The following ADGRL2 variants were observed in gnomAD, a reference collection of about 807,000 sequenced individuals.
The protein encoded by ADGRL2 is adhesion G protein-coupled receptor L2, also known as calcium-independent alpha-latrotoxin receptor 2.
A neutral mutation model predicts 157.4 loss-of-function variants in ADGRL2; 44 were observed. The observed-to-expected ratio is 0.28, with a 90% CI of 0.22 to 0.36. The LOEUF (loss-of-function observed/expected upper bound fraction) is 0.36. ADGRL2 is among the 10% of genes least tolerant of loss of function. ADGRL2 has a pLI of 1.00. For missense variants in ADGRL2, 1,510 were observed against 1,768.9 expected (o/e 0.85, Z 2.63); for synonymous variants, 585 against 624.7 (o/e 0.94, Z 0.95).
At chr1:81,612,266 G>C (rs912545092) in intron 3 of ADGRL2, among the ~76,000 whole-genome samples, 1 of 152,126 alleles carries the variant, frequency 6.6e-6, no homozygotes, top group African/African-American at 2.4e-5. Flanking sequence ...ATGCAAAGAA[G>C]TGACTGACCC....
chr1:81,554,317 G>A (rs754443248), intron 2 of ADGRL2, among the ~76,000 whole-genome samples: 2 of 152,048 alleles, frequency 1.3e-5, no homozygotes, highest in Non-Finnish European at 2.9e-5. Context: ...TTGTCTCCTG[G>A]TTTCACCCCA....
chr1:81,579,389 T>C (rs1257745842), intron 2 of ADGRL2: 1 of 152,174 alleles, frequency 6.6e-6, no homozygotes, highest in African/African-American at 2.4e-5. Context: ...AGGTATGTTA[T>C]GTGTTTTCAG....
At chr1:81,309,844 G>T (rs1249549235) in intron 1 of ADGRL2, among the ~76,000 whole-genome samples, 1 of 152,118 alleles carries the variant, frequency 6.6e-6, no homozygotes, top group African/African-American at 2.4e-5. Context: ...CTCTTTATAT[G>T]TTTAAAATTT....
chr1:81,933,741 T>C (rs1277286187), intron 3 of ADGRL2, among the ~76,000 whole-genome samples: 3 of 152,152 alleles, frequency 2.0e-5, no homozygotes, highest in Non-Finnish European at 4.4e-5. Context: ...TTTGGAAACT[T>C]AATGCTGCTT....
At chr1:81,722,302 GA>G (rs1187716211) in intron 1 of ADGRL2, 1 of 557,382 alleles carries the variant, frequency 1.8e-6, no homozygotes, top group African/African-American at 1.9e-5. Flanking sequence ...AAAAAAAAAA[GA>G]AAATGCAGAG....
chr1:81,597,691 A>T (rs2081262502), intron 3 of ADGRL2, among the ~76,000 whole-genome samples: 1 of 152,350 alleles, frequency 6.6e-6, no homozygotes, highest in Admixed American at 6.5e-5. Flanking sequence ...TTACATCCGG[A>T]TAAACCCATC....
intron 3 of ADGRL2, among the ~76,000 whole-genome samples, chr1:81,630,390 C>A (rs17106847): frequency 6.6e-6 from 1 of 152,012 alleles, no homozygotes; most frequent in South Asian, 2.1e-4. Context: ...ACTTTTTGAG[C>A]GCCTACTCCA....
intron 2 of ADGRL2, among the ~76,000 whole-genome samples, chr1:81,573,674 A>G (rs1356743310): frequency 6.6e-6 from 1 of 152,130 alleles, no homozygotes; most frequent in Non-Finnish European, 1.5e-5. Context: ...TACTGGCTCT[A>G]TCCCGTACAA....
Position 81,972,165 on chromosome 1 carries a change from A to G in ADGRL2, c.3021+247A>G, listed in dbSNP as rs566725591. Among the ~76,000 whole-genome samples, 10 of 152,222 alleles carry G rather than the reference A, an allele frequency of 6.6e-5. No individual in the cohort carries two copies. In the South Asian group the frequency reaches 2.1e-3, roughly 32 times the overall value. ...TAATAAGCTGACATATCACATCATA[A>G]TCTAAAAAACATGCTTACATATAGG... On this transcript the variant is annotated intron_variant, in intron 17 of 23. Coordinates refer to ENST00000686636, the MANE Select transcript of ADGRL2 (RefSeq NM_001366006.2).
chr1:81,318,925 A>G (rs979435643), intron 1 of ADGRL2, among the ~76,000 whole-genome samples: 2 of 93,074 alleles, frequency 2.1e-5, no homozygotes, highest in Non-Finnish European at 4.2e-5. Context: ...TCCTCCATCA[A>G]TTCTTTTTTT....
intron 2 of ADGRL2, among the ~76,000 whole-genome samples, chr1:81,903,237 A>G (rs896278285): frequency 2.0e-5 from 3 of 152,136 alleles, no homozygotes; most frequent in Non-Finnish European, 2.9e-5. Flanking sequence ...TGCTGTCTTT[A>G]TATTTATGGT....
chr1:81,984,798 T>G, intron 20 of ADGRL2, 87 bp downstream of exon 20: 1 of 1,384,768 alleles, frequency 7.2e-7, no homozygotes, highest in Non-Finnish European at 9.9e-7. Flanking sequence ...ACTAATTGTC[T>G]TCTCATTATA....
chr1:81,584,825 A>C (rs970390532), intron 3 of ADGRL2, among the ~76,000 whole-genome samples: 2 of 152,100 alleles, frequency 1.3e-5, no homozygotes, highest in African/African-American at 4.8e-5. Flanking sequence ...TTCCCGAGGA[A>C]ATGTCATTCA....
intron 3 of ADGRL2, among the ~76,000 whole-genome samples, chr1:81,604,108 C>G (rs564198961): frequency 6.6e-6 from 1 of 152,058 alleles, no homozygotes; most frequent in East Asian, 1.9e-4. Context: ...GGATTACAGG[C>G]GCATGCCACC....
At chr1:81,949,697 T>C (rs1276507050) in intron 6 of ADGRL2, among the ~76,000 whole-genome samples, 1 of 152,238 alleles carries the variant, frequency 6.6e-6, no homozygotes, top group African/African-American at 2.4e-5. Context: ...TGGAAAGATG[T>C]CACAGTATTT....
chr1:81,528,951 T>C (rs2148231192), intron 2 of ADGRL2, among the ~76,000 whole-genome samples: 1 of 152,230 alleles, frequency 6.6e-6, no homozygotes, highest in Non-Finnish European at 1.5e-5. Flanking sequence ...AAGAAGGGTG[T>C]TTTAAGAGGG....
chr1:81,752,219 G>T (rs2149270096), intron 1 of ADGRL2, among the ~76,000 whole-genome samples: 1 of 152,318 alleles, frequency 6.6e-6, no homozygotes, highest in East Asian at 1.9e-4. Flanking sequence ...CTGTGAGGAA[G>T]TCCAAGCGGA....
rs183388121 is a variant in ADGRL2, at chr1:81,373,074, C to T, written c.-302+66565C>T. Among the ~76,000 whole-genome samples the T allele has an allele frequency of 1.1e-4, 17 of 152,158 alleles. No individual in the cohort carries two copies. In the East Asian group the frequency reaches 2.5e-3, roughly 22 times the overall value. On this transcript the variant is annotated intron_variant, in intron 1 of 24. Transcript: ENST00000370721. Reference sequence around the variant, plus strand: ...AAGTGCCATGGTCATGCTAATGCTGCTAATTTGGGGGTCACATGCAGAGGA... The same window carrying T: ...AAGTGCCATGGTCATGCTAATGCTGTTAATTTGGGGGTCACATGCAGAGGA...
At chr1:81,424,809 A>C (rs554212077) in intron 1 of ADGRL2, among the ~76,000 whole-genome samples, 1 of 152,054 alleles carries the variant, frequency 6.6e-6, no homozygotes, top group South Asian at 2.1e-4. Context: ...CTTTCAAAAC[A>C]TTTTCTGACA....
Sources: gnomAD v4.1 joint callset for allele counts (sites outside exome capture counted in the v4.1 genomes callset) on GRCh38, gnomAD v4.1.1 for gene constraint, MANE v1.5 for transcripts, NCBI Gene and HGNC (gene_info 2026-07-23, HGNC 2026-07-21) for gene names.